TBK1: variants seen among roughly 807,000 people sequenced by gnomAD.
TBK1 encodes the protein serine/threonine-protein kinase TBK1.
A neutral mutation model predicts 99.9 loss-of-function variants in TBK1; 37 were observed. That is an observed-to-expected ratio of 0.37 (90% CI 0.28 to 0.49). The LOEUF (loss-of-function observed/expected upper bound fraction) is 0.49, where lower values mean the gene tolerates loss of function less well. Among genes scored for constraint, TBK1 ranks in the 20% least tolerant of loss-of-function variants. The pLI, the probability that TBK1 is intolerant of heterozygous loss-of-function variation, is 0.98. For synonymous variants in TBK1, 258 were observed against 279.8 expected, an observed-to-expected ratio of 0.92 and a Z score of 0.78; for missense variants, 644 against 872.5, an observed-to-expected ratio of 0.74 and a Z score of 3.30.
chr12:64,459,530 C>T (rs985698968), intron 2 of TBK1, among the ~76,000 whole-genome samples: 2 of 152,098 alleles, frequency 1.3e-5, no homozygotes, highest in Admixed American at 1.3e-4. Context: ...TGCCTTTACT[C>T]CTCTAGAGAG....
chr12:64,458,512 C>CATATATATATATATATATATATAT (rs10626258), intron 2 of TBK1, among the ~76,000 whole-genome samples: 10 of 144,142 alleles, frequency 6.9e-5, no homozygotes, highest in African/African-American at 2.3e-4. Flanking sequence ...TGGATATATA[C>CATATATATATATATATATATATAT]ATATATATAT....
chr12:64,485,144 GA>G (rs1234043398), intron 9 of TBK1, among the ~76,000 whole-genome samples: 2 of 150,318 alleles, frequency 1.3e-5, no homozygotes, highest in Admixed American at 6.6e-5. Flanking sequence ...TCTACTGGTA[GA>G]AAAAAAAATG....
chr12:64,491,773 C>G (rs2136083994), intron 13 of TBK1, among the ~76,000 whole-genome samples: 1 of 152,132 alleles, frequency 6.6e-6, no homozygotes, highest in Admixed American at 6.5e-5. Flanking sequence ...GTTTCTTTTC[C>G]TCAGTTTTAG....
chr12:64,452,389 C>T (rs571460129), intron 1 of TBK1: 2 of 152,382 alleles, frequency 1.3e-5, no homozygotes, highest in South Asian at 4.1e-4. Context: ...TGGACACTGC[C>T]TCTGGGGTGT....
At chr12:64,454,278 G>C (rs551008048) in intron 1 of TBK1, among the ~76,000 whole-genome samples, 1 of 152,112 alleles carries the variant, frequency 6.6e-6, no homozygotes, top group Non-Finnish European at 1.5e-5. Flanking sequence ...ATGGAGTCTC[G>C]CTCTGTCACC....
intron 9 of TBK1, among the ~76,000 whole-genome samples, chr12:64,485,017 T>G (rs977889401): frequency 6.6e-6 from 1 of 152,224 alleles, no homozygotes; most frequent in Non-Finnish European, 1.5e-5. Flanking sequence ...AAATTACCTT[T>G]TATATCATAA....
chr12:64,465,542 T>G (rs951783594), intron 4 of TBK1, among the ~76,000 whole-genome samples: 2 of 151,048 alleles, frequency 1.3e-5, no homozygotes, highest in African/African-American at 4.9e-5. Flanking sequence ...GTCCATCAAC[T>G]GATGAACAGA....
At chr12:64,454,790 C>T (rs2040467623) in intron 1 of TBK1, among the ~76,000 whole-genome samples, 1 of 149,124 alleles carries the variant, frequency 6.7e-6, no homozygotes, top group African/African-American at 2.5e-5. Context: ...CATTCTCCTG[C>T]GTCAGCCTCC....
rs966011627 is a variant in TBK1, at chr12:64,499,236, G to C, written c.2138+1197G>C. ...TTTTTTGTATTTTTAGTAGAGCTGG[G>C]GTTTCACCATGTTGGCCATGCTGGT... On this transcript the variant is annotated intron_variant, in intron 20 of 20. Coordinates refer to ENST00000331710, the MANE Select transcript of TBK1 (RefSeq NM_013254.4). Among the ~76,000 whole-genome samples, 19 of 151,226 alleles carry C rather than the reference G, an allele frequency of 1.3e-4. 1 individual carries two copies. Among genetic ancestry groups the C allele is most frequent in the Non-Finnish European group, 5.9e-5 (4 of 67,890 alleles).
chr12:64,453,119 T>A (rs1193706439), intron 1 of TBK1, among the ~76,000 whole-genome samples: 1 of 152,234 alleles, frequency 6.6e-6, no homozygotes, highest in Non-Finnish European at 1.5e-5. Context: ...TGGGAAGATT[T>A]ATATGGCAAG....
rs541191846 is a variant in TBK1, at chr12:64,501,645, A to G, written c.*264A>G. On this transcript the variant is annotated 3_prime_UTR_variant, in exon 21 of 21. Transcript: ENST00000331710. ...GAGAAGAAAGCCATGACCGACCAAT[A>G]TGTTGACATACTGATCCTCTACTCT... 12 of 385,880 alleles carry G rather than the reference A, an allele frequency of 3.1e-5. No homozygotes were observed. The highest frequency in any genetic ancestry group is 2.1e-4 in the African/African-American group (10 of 47,430). 23.9% of individuals were successfully genotyped at this position (385,880 alleles called of 1,614,324 possible).
rs11358053 is a variant in TBK1 at position 64,454,672 on chromosome 12, CTT to C, written c.-31-1147_-31-1146del. On this transcript the variant is annotated intron_variant, in intron 1 of 20. Transcript: ENST00000331710. ...CTTGAATATTGCTAGAAACTCAGAT[CTT>C]TTTTTTTTTTTTTTTTTTTTGAGAC... is the stretch of plus-strand genomic sequence containing the variant. Among the ~76,000 whole-genome samples the C allele has an allele frequency of 5.2e-3, 436 of 83,612 alleles. 1 individual carries two copies. Among genetic ancestry groups the C allele is most frequent in the Non-Finnish European group, 5.9e-3 (278 of 47,218 alleles). 54.9% of individuals were successfully genotyped at this position (83,612 alleles called of 152,430 possible).
intron 3 of TBK1, among the ~76,000 whole-genome samples, chr12:64,460,832 C>CAAAAAAAAAAA (rs1221718352): frequency 2.2e-5 from 1 of 45,460 alleles, no homozygotes. Context: ...GACTCCATCT[C>CAAAAAAAAAAA]AAAAAAAAAA....
rs751180634 is a variant in TBK1 at position 64,481,994 on chromosome 12, A to G, written c.965A>G (p.His322Arg). Residue 322 changes from histidine to arginine, a missense_variant, in exon 8 of 21, where the codon CAT becomes CGT. By Grantham distance (29) the His-to-Arg change is conservative. Transcript: ENST00000331710. ...TTTTCGCTACAACAAATGACAGCTC[A>G]TAAGATTTATATTCATAGCTATAAT... ...HVFSLQQMTA[H>R]KIYIHSYNTA... The G allele has an allele frequency of 5.0e-6, 8 of 1,599,608 alleles. No homozygotes were observed. Among genetic ancestry groups the G allele is most frequent in the African/African-American group, 2.7e-5 (2 of 74,066 alleles).
At chr12:64,497,579 G>C in intron 18 of TBK1, 69 bp from the exon 19 acceptor site, 1 of 1,036,654 alleles carries the variant, frequency 9.6e-7, no homozygotes, top group Non-Finnish European at 1.4e-6. Flanking sequence ...TGTCAGATCT[G>C]TAGTAAGTAC....
chr12:64,469,965 G>C (rs898299685), intron 5 of TBK1, among the ~76,000 whole-genome samples: 2 of 152,100 alleles, frequency 1.3e-5, no homozygotes, highest in Admixed American at 1.3e-4. Context: ...AAGGTTTACT[G>C]CTCTAAGAAT....
In TBK1 at chr12:64,501,314, T is replaced by C. The variant is rs1204321539; in HGVS notation, c.2139-16T>C. ...ACTTTTGAGATTACCTTTTTTTCTT[T>C]GTGTGTGTGTTTTAGGTTTGGCTCT... On this transcript the variant is annotated splice_polypyrimidine_tract_variant and intron_variant, in intron 20 of 20. Coordinates refer to ENST00000331710, the MANE Select transcript of TBK1 (RefSeq NM_013254.4). The C allele has an allele frequency of 6.2e-7, 1 of 1,612,592 alleles. No individual in the cohort carries two copies. The highest frequency in any genetic ancestry group is 1.3e-5 in the African/African-American group (1 of 74,884).
chr12:64,482,047 A>C, intron 8 of TBK1, 26 bp downstream of exon 8: 2 of 1,426,848 alleles, frequency 1.4e-6, no homozygotes, highest in Non-Finnish European at 1.9e-6. Flanking sequence ...TTCTTCTTGT[A>C]TCAACATGTT....
chr12:64,456,857 G>C (rs1053592112), intron 2 of TBK1, among the ~76,000 whole-genome samples: 29 of 150,420 alleles, frequency 1.9e-4, no homozygotes, highest in African/African-American at 7.1e-4. Context: ...AAAAAAAAAG[G>C]ATTTTGTTTA....
Sources: allele counts gnomAD v4.1 joint callset (sites outside exome capture counted in the v4.1 genomes callset), GRCh38; gene constraint gnomAD v4.1.1; transcripts MANE v1.5; gene names NCBI Gene and HGNC (gene_info 2026-07-23, HGNC 2026-07-21).